SULF1: variants seen among roughly 807,000 people sequenced by gnomAD.
The protein encoded by SULF1 is extracellular sulfatase Sulf-1.
Under a neutral mutation model 110.5 loss-of-function variants are expected in SULF1, and 46 were observed. That is an observed-to-expected ratio of 0.42 (90% CI 0.33 to 0.53). SULF1 has a LOEUF of 0.53. Ranked by LOEUF, SULF1 falls within the 20% of genes least tolerant of loss-of-function variation. SULF1 has a pLI of 0.12. For missense variants in SULF1, 941 were observed against 1,094.2 expected, an observed-to-expected ratio of 0.86 and a Z score of 1.98; for synonymous variants, 371 against 387.1, an observed-to-expected ratio of 0.96 and a Z score of 0.49.
intron 3 of SULF1, among the ~76,000 whole-genome samples, chr8:69,505,602 G>A (rs1048592882): frequency 6.6e-6 from 1 of 152,106 alleles, no homozygotes; most frequent in African/African-American, 2.4e-5. Flanking sequence ...ATTGCCCGTA[G>A]ACTGTAACAG....
At chr8:69,538,021 C>T (rs1813548674) in intron 3 of SULF1, among the ~76,000 whole-genome samples, 2 of 149,582 alleles carry the variant, frequency 1.3e-5, no homozygotes, top group South Asian at 4.2e-4. Flanking sequence ...CGTGCAGTGG[C>T]GCCATCTCGG....
At chr8:69,642,658 G>A (rs1255509862) in intron 22 of SULF1, among the ~76,000 whole-genome samples, 1 of 152,150 alleles carries the variant, frequency 6.6e-6, no homozygotes, top group African/African-American at 2.4e-5. Context: ...TGACTTTACA[G>A]TTATTTTATG....
intron 8 of SULF1, 53 bp downstream of exon 8, chr8:69,589,194 C>T: frequency 1.3e-6 from 2 of 1,539,796 alleles, no homozygotes; most frequent in Non-Finnish European, 1.8e-6. Flanking sequence ...TCCCTTTTCT[C>T]CTCATCCCAC....
chr8:69,630,661 C>T (rs745319800), intron 19 of SULF1, among the ~76,000 whole-genome samples: 3 of 152,144 alleles, frequency 2.0e-5, no homozygotes, highest in Non-Finnish European at 4.4e-5. Flanking sequence ...GAGGGTTATT[C>T]AGATCGCTGG....
chr8:69,556,278 C>T (rs991786006), intron 3 of SULF1, among the ~76,000 whole-genome samples: 10 of 152,096 alleles, frequency 6.6e-5, no homozygotes, highest in African/African-American at 1.7e-4. Context: ...GTGTCCTTGC[C>T]GTTGAGTGGG....
At chr8:69,639,961 A>G (rs2130679323) in intron 21 of SULF1, among the ~76,000 whole-genome samples, 1 of 152,280 alleles carries the variant, frequency 6.6e-6, no homozygotes, top group South Asian at 2.1e-4. Context: ...GTTGTCAGTC[A>G]AGAGCAGACT....
intron 6 of SULF1, among the ~76,000 whole-genome samples, chr8:69,580,927 T>C (rs926375852): frequency 6.6e-5 from 10 of 152,216 alleles, no homozygotes; most frequent in African/African-American, 2.2e-4. Flanking sequence ...ATATTTATTC[T>C]CTAATATGAG....
Position 69,590,214 on chromosome 8 carries a change from T to G in SULF1, c.734+1073T>G, listed in dbSNP as rs982069898. Among the ~76,000 whole-genome samples, 10 of 152,252 alleles carry G rather than the reference T, an allele frequency of 6.6e-5. No individual in the cohort carries two copies. In the South Asian group the frequency reaches 2.1e-3, roughly 32 times the overall value. ...TCTTGCTCTGTAACCCAGGCTGGAGTGCAGTGGTGCAATCTTGGCTCACTG... is the reference window on the plus strand; with the variant it reads ...TCTTGCTCTGTAACCCAGGCTGGAGGGCAGTGGTGCAATCTTGGCTCACTG... On this transcript the variant is annotated intron_variant, in intron 8 of 22. Coordinates refer to ENST00000402687, the MANE Select transcript of SULF1 (RefSeq NM_001128205.2).
At chr8:69,593,571 C>T (rs1361715148) in intron 8 of SULF1, among the ~76,000 whole-genome samples, 1 of 152,136 alleles carries the variant, frequency 6.6e-6, no homozygotes, top group East Asian at 1.9e-4. Context: ...CCGTTCCCAA[C>T]AAAGAGAGGA....
chr8:69,631,692 A>G (rs1321214204), intron 19 of SULF1, among the ~76,000 whole-genome samples: 3 of 152,218 alleles, frequency 2.0e-5, no homozygotes, highest in African/African-American at 7.2e-5. Flanking sequence ...TTCCACAAGC[A>G]TCTCAAGCTC....
At chr8:69,617,720 T>G (rs970397432) in intron 13 of SULF1, among the ~76,000 whole-genome samples, 1 of 151,896 alleles carries the variant, frequency 6.6e-6, no homozygotes, top group African/African-American at 2.4e-5. Flanking sequence ...CCGCATGCAG[T>G]TTTCAGCTAA....
chr8:69,644,313 G>T (rs975706299), intron 22 of SULF1, among the ~76,000 whole-genome samples: 3 of 152,338 alleles, frequency 2.0e-5, no homozygotes, highest in African/African-American at 7.2e-5. Flanking sequence ...ACAGACCCTA[G>T]CAGGCGCCAA....
chr8:69,574,668 G>A (rs112854654), intron 5 of SULF1, among the ~76,000 whole-genome samples: 42 of 152,278 alleles, frequency 2.8e-4, no homozygotes, highest in African/African-American at 9.1e-4. Context: ...AGATCAGCCC[G>A]GAATGCTGAG....
chr8:69,486,541 A>C (rs1259452187), intron 1 of SULF1, among the ~76,000 whole-genome samples: 1 of 152,132 alleles, frequency 6.6e-6, no homozygotes, highest in Admixed American at 6.5e-5. Context: ...TTCTTCCCAC[A>C]GTTTACTAGA....
intron 13 of SULF1, among the ~76,000 whole-genome samples, chr8:69,607,485 C>T (rs1808314422): frequency 6.6e-6 from 1 of 152,164 alleles, no homozygotes; most frequent in African/African-American, 2.4e-5. Flanking sequence ...CTACCTCAGC[C>T]TCCTGAGTAG....
intron 3 of SULF1, among the ~76,000 whole-genome samples, chr8:69,516,264 TG>T (rs1358168298): frequency 6.6e-6 from 1 of 152,086 alleles, no homozygotes; most frequent in Non-Finnish European, 1.5e-5. Context: ...GAAGCATGGT[TG>T]GGGGAGGCCT....
chr8:69,467,964 A>C (rs1463641554), intron 1 of SULF1, among the ~76,000 whole-genome samples: 2 of 150,538 alleles, frequency 1.3e-5, no homozygotes, highest in Non-Finnish European at 3.0e-5. Flanking sequence ...AAGGGGGTTT[A>C]TATGCTATGT....
intron 3 of SULF1, among the ~76,000 whole-genome samples, chr8:69,505,393 G>A (rs185264014): frequency 3.3e-5 from 5 of 152,258 alleles, no homozygotes; most frequent in Admixed American, 6.5e-5. Flanking sequence ...GGTTTGGTGC[G>A]CACAGATGGG....
chr8:69,624,034 G>A lies in SULF1; in HGVS notation c.1687G>A (p.Glu563Lys). 1 of 1,614,184 alleles carries A rather than the reference G, an allele frequency of 6.2e-7. No homozygotes were observed. Among genetic ancestry groups the A allele is most frequent in the Non-Finnish European group, 8.5e-7 (1 of 1,180,038 alleles). ...EIYDINLEEE[E>K]ELQVLQPRNI... ...ATATGACATAAATCTGGAAGAAGAA[G>A]AAGAATTGCAAGTGTTGCAACCAAG... The change falls in exon 15 of 23, where the codon GAA becomes AAA. Residue 563 changes from glutamate (E) to lysine (K), a missense_variant. Coordinates refer to ENST00000402687, the MANE Select transcript of SULF1 (RefSeq NM_001128205.2).
Sources: allele counts gnomAD v4.1 joint callset (sites outside exome capture counted in the v4.1 genomes callset), GRCh38; gene constraint gnomAD v4.1.1; transcripts MANE v1.5; gene names NCBI Gene and HGNC (gene_info 2026-07-23, HGNC 2026-07-21).